KIF26B: variants seen among roughly 807,000 people sequenced by gnomAD.
KIF26B encodes kinesin-like protein KIF26B.
KIF26B carries 63 observed loss-of-function variants against 151.2 expected under a neutral mutation model. That is an observed-to-expected ratio of 0.42 (90% CI 0.34 to 0.51). The LOEUF is 0.51. Ranked by LOEUF, KIF26B falls within the 20% of genes least tolerant of loss-of-function variation. The pLI is 0.07. For missense variants in KIF26B, 2,813 were observed against 2,913.6 expected, an observed-to-expected ratio of 0.97 and a Z score of 0.79; for synonymous variants, 1,357 against 1,262.1, an observed-to-expected ratio of 1.08 and a Z score of -1.59.
chr1:245,506,773 T>C (rs1660735102), intron 4 of KIF26B, among the ~76,000 whole-genome samples: 1 of 152,218 alleles, frequency 6.6e-6, no homozygotes, highest in African/African-American at 2.4e-5. Context: ...CTCCACCTCC[T>C]GGGTTCAAGC....
At chr1:245,593,748 C>G (rs2043313616) in intron 5 of KIF26B, among the ~76,000 whole-genome samples, 1 of 152,196 alleles carries the variant, frequency 6.6e-6, no homozygotes, top group Non-Finnish European at 1.5e-5. Context: ...AATCACCACA[C>G]TGTCTTCCAC....
intron 9 of KIF26B, among the ~76,000 whole-genome samples, chr1:245,626,026 C>T (rs981223609): frequency 6.6e-6 from 1 of 152,048 alleles, no homozygotes; most frequent in Admixed American, 6.6e-5. Context: ...GTATATAGAG[C>T]ACATTTTGCT....
chr1:245,209,490 G>C (rs1315745995), intron 2 of KIF26B, among the ~76,000 whole-genome samples: 1 of 152,104 alleles, frequency 6.6e-6, no homozygotes, highest in East Asian at 1.9e-4. Context: ...ACAGAAACAC[G>C]TGTAGAAGTG....
At chr1:245,429,902 A>C in intron 4 of KIF26B, among the ~76,000 whole-genome samples, 1 of 152,188 alleles carries the variant, frequency 6.6e-6, no homozygotes, top group East Asian at 1.9e-4. Flanking sequence ...AGCATGAGCC[A>C]CTGCACCCGG....
chr1:245,370,606 G>C (rs1322188227), intron 3 of KIF26B: 1 of 456,566 alleles, frequency 2.2e-6, no homozygotes, highest in Non-Finnish European at 4.4e-6. Flanking sequence ...ACGTGGCAGG[G>C]GCCGGTTAGA....
At chr1:245,470,647 G>T (rs1280851880) in intron 4 of KIF26B, among the ~76,000 whole-genome samples, 3 of 151,880 alleles carry the variant, frequency 2.0e-5, no homozygotes, top group African/African-American at 7.3e-5. Flanking sequence ...AGCCAGGATG[G>T]TCTCCATCTC....
At chr1:245,628,089 C>A (rs973720463) in intron 9 of KIF26B, among the ~76,000 whole-genome samples, 3 of 152,154 alleles carry the variant, frequency 2.0e-5, no homozygotes, top group African/African-American at 7.2e-5. Flanking sequence ...TGAAACTATT[C>A]CAAACAATAG....
intron 5 of KIF26B, among the ~76,000 whole-genome samples, chr1:245,556,316 CTTCTT>C (rs1662031969): frequency 5.9e-5 from 8 of 135,694 alleles, no homozygotes; most frequent in Admixed American, 2.2e-4. Context: ...CCTCCTCCTT[CTTCTT>C]CTTCCTCCTT....
chr1:245,278,949 G>A (rs1308951759), intron 2 of KIF26B, among the ~76,000 whole-genome samples: 1 of 152,130 alleles, frequency 6.6e-6, no homozygotes, highest in Admixed American at 6.5e-5. Flanking sequence ...CAAAACAGCT[G>A]GACACTAAGC....
chr1:245,594,948 C>G (rs554221912), intron 5 of KIF26B, among the ~76,000 whole-genome samples: 2 of 150,584 alleles, frequency 1.3e-5, no homozygotes, highest in South Asian at 4.2e-4. Flanking sequence ...TGGGAGTTCA[C>G]TCATGATTTG....
intron 4 of KIF26B, among the ~76,000 whole-genome samples, chr1:245,528,950 A>G (rs1471597937): frequency 2.0e-5 from 3 of 152,190 alleles, no homozygotes; most frequent in East Asian, 1.9e-4. Flanking sequence ...GAAAAGTGCA[A>G]TGAGACAATC....
rs958105171 is a variant in KIF26B, at chr1:245,667,118, C to T, written c.2259-17115C>T. ...GGCTGAAAGCATCTCTCTGCTGTGA[C>T]GTAGGAGGGACCGTGAGCCTTATGC... On this transcript the variant is annotated intron_variant, in intron 10 of 14. Coordinates refer to ENST00000407071, the MANE Select transcript of KIF26B (RefSeq NM_018012.4). The surrounding 1 kb of genome is among the most constrained non-coding windows in gnomAD (Gnocchi z 4.3). Among the ~76,000 whole-genome samples, 2 of 152,152 alleles carry T rather than the reference C, an allele frequency of 1.3e-5. No individual in the cohort carries two copies. Among genetic ancestry groups the T allele is most frequent in the Non-Finnish European group, 2.9e-5 (2 of 68,034 alleles).
chr1:245,247,162 A>C (rs1210225020), intron 2 of KIF26B, among the ~76,000 whole-genome samples: 7 of 152,002 alleles, frequency 4.6e-5, no homozygotes, highest in Non-Finnish European at 8.8e-5. Context: ...TTAATATTTA[A>C]AATTTTGGCT....
chr1:245,357,466 C>T (rs1055714950), intron 2 of KIF26B, among the ~76,000 whole-genome samples: 3 of 152,106 alleles, frequency 2.0e-5, no homozygotes, highest in Non-Finnish European at 2.9e-5. Flanking sequence ...AGTCAGACTT[C>T]GCGGAAGAGC....
chr1:245,174,217 A>G (rs988861250), intron 2 of KIF26B, among the ~76,000 whole-genome samples: 2 of 152,188 alleles, frequency 1.3e-5, no homozygotes, highest in African/African-American at 4.8e-5. Context: ...AATTAGACCA[A>G]ATGGACCCTT....
At chr1:245,398,126 C>T (rs949593441) in intron 3 of KIF26B, among the ~76,000 whole-genome samples, 1 of 152,140 alleles carries the variant, frequency 6.6e-6, no homozygotes, top group African/African-American at 2.4e-5. Context: ...ATTTGTTGAC[C>T]TCTAGGGTTT....
chr1:245,481,722 T>G (rs1052915978), intron 4 of KIF26B, among the ~76,000 whole-genome samples: 14 of 149,762 alleles, frequency 9.3e-5, no homozygotes, highest in African/African-American at 3.5e-4. Context: ...TGATTATTAT[T>G]GTAAGAGATG....
intron 2 of KIF26B, among the ~76,000 whole-genome samples, chr1:245,271,390 A>G (rs1279659581): frequency 6.6e-6 from 1 of 152,150 alleles, no homozygotes; most frequent in Non-Finnish European, 1.5e-5. Flanking sequence ...ATCCATGTAC[A>G]TAGGATGTTG....
At chr1:245,538,992 G>T (rs952280343) in intron 4 of KIF26B, among the ~76,000 whole-genome samples, 2 of 151,956 alleles carry the variant, frequency 1.3e-5, no homozygotes, top group Non-Finnish European at 2.9e-5. Context: ...TGCCAGGAAG[G>T]GTAGCAATGA....
Sources: gnomAD v4.1 joint callset for allele counts (sites outside exome capture counted in the v4.1 genomes callset) on GRCh38, gnomAD v4.1.1 for gene constraint, Gnocchi (gnomAD v3.1) non-coding constraint, MANE v1.5 for transcripts, NCBI Gene and HGNC (gene_info 2026-07-23, HGNC 2026-07-21) for gene names.